The following CSMD1 variants were observed in gnomAD, a reference collection of about 807,000 sequenced individuals.
CSMD1 encodes CUB and Sushi multiple domains 1.
A neutral mutation model predicts 417.5 loss-of-function variants in CSMD1; 213 were observed. The ratio of observed to expected loss-of-function variants is 0.51; its 90% CI spans 0.46 to 0.57. The LOEUF (loss-of-function observed/expected upper bound fraction) is 0.57, where lower values mean the gene tolerates loss of function less well. CSMD1 is among the 20% of genes least tolerant of loss of function. CSMD1 has a pLI of 0.00. For missense variants in CSMD1, 6,923 were observed against 4,529.7 expected, an observed-to-expected ratio of 1.53 and a Z score of -15.17; for synonymous variants, 2,862 against 1,736.8, an observed-to-expected ratio of 1.65 and a Z score of -16.11.
At chr8:3,534,728 C>A (rs573251527) in intron 10 of CSMD1, among the ~76,000 whole-genome samples, 3 of 152,160 alleles carry the variant, frequency 2.0e-5, no homozygotes, top group African/African-American at 4.8e-5. Flanking sequence ...TAAGCAACAA[C>A]TGCATAAGCA....
At chr8:3,970,853 G>C (rs949506572) in intron 5 of CSMD1, among the ~76,000 whole-genome samples, 1 of 152,064 alleles carries the variant, frequency 6.6e-6, no homozygotes, top group Non-Finnish European at 1.5e-5. Flanking sequence ...CCGGGTTCAC[G>C]CCATTCTCCT....
intron 1 of CSMD1, among the ~76,000 whole-genome samples, chr8:4,959,257 A>C (rs544246170): frequency 6.6e-6 from 1 of 152,182 alleles, no homozygotes; most frequent in Admixed American, 6.5e-5. Context: ...TTCTGGGGTC[A>C]TATGTTTTGG....
intron 5 of CSMD1, among the ~76,000 whole-genome samples, chr8:3,993,541 G>A (rs983779381): frequency 6.6e-6 from 1 of 152,150 alleles, no homozygotes; most frequent in Non-Finnish European, 1.5e-5. Context: ...TAGTAAAATT[G>A]TGCTGGTTTA....
At chr8:3,915,597 T>C (rs1808763126) in intron 5 of CSMD1, among the ~76,000 whole-genome samples, 1 of 151,392 alleles carries the variant, frequency 6.6e-6, no homozygotes, top group Admixed American at 6.6e-5. Context: ...ATGGGATTAT[T>C]ACTGAAATAC....
At chr8:3,004,356 G>C (rs1002020735) in intron 52 of CSMD1, among the ~76,000 whole-genome samples, 7 of 152,162 alleles carry the variant, frequency 4.6e-5, no homozygotes, top group African/African-American at 1.7e-4. Flanking sequence ...ATGAAGCCTG[G>C]ATTTCTTGAG....
At chr8:3,506,083 T>A (rs1796813326) in intron 10 of CSMD1, among the ~76,000 whole-genome samples, 1 of 152,182 alleles carries the variant, frequency 6.6e-6, no homozygotes, top group South Asian at 2.1e-4. Context: ...GCCCTGGGGC[T>A]GTGTTCTCAT....
chr8:3,261,052 A>G (rs188800033), intron 26 of CSMD1, among the ~76,000 whole-genome samples: 27 of 152,364 alleles, frequency 1.8e-4, no homozygotes, highest in Admixed American at 1.7e-3. Flanking sequence ...CACAGGTGAG[A>G]ACTATAAAAC....
intron 3 of CSMD1, among the ~76,000 whole-genome samples, chr8:4,051,106 G>C (rs1406208366): frequency 6.6e-6 from 1 of 151,702 alleles, no homozygotes; most frequent in Non-Finnish European, 1.5e-5. Flanking sequence ...TTATTGAAAG[G>C]GAGAACCAGG....
At chr8:4,301,883 T>C (rs200575175) in intron 3 of CSMD1, among the ~76,000 whole-genome samples, 9 of 10,334 alleles carry the variant, frequency 8.7e-4, no homozygotes, top group African/African-American at 5.9e-3. Context: ...CATAAATTTG[T>C]TGTTCTCACT....
rs374936723 is a variant in CSMD1 at position 3,790,576 on chromosome 8, T to C, written c.819-36534A>G. On this transcript the variant is annotated intron_variant, in intron 5 of 69. Transcript: ENST00000635120. Reference sequence around the variant, plus strand: ...AGACAACTAGGAACAATCATAATTTTTTTTTATGTTTTTGGCATACACAAC... The same window carrying C: ...AGACAACTAGGAACAATCATAATTTCTTTTTATGTTTTTGGCATACACAAC... Among the ~76,000 whole-genome samples the C allele has an allele frequency of 8.5e-5, 13 of 152,340 alleles. No individual in the cohort carries two copies. The East Asian group carries it at 9.6e-4, about 11-fold the overall frequency.
chr8:4,294,179 G>T (rs79640264), intron 3 of CSMD1, among the ~76,000 whole-genome samples: 1 of 152,158 alleles, frequency 6.6e-6, no homozygotes, highest in African/African-American at 2.4e-5. Flanking sequence ...GCCATCAGCA[G>T]CAACTACACC....
chr8:3,180,515 G>C (rs1380454023), intron 37 of CSMD1, among the ~76,000 whole-genome samples: 3 of 152,078 alleles, frequency 2.0e-5, no homozygotes, highest in Non-Finnish European at 4.4e-5. Context: ...TATTACAAGT[G>C]GTTCATTTTT....
intron 50 of CSMD1, among the ~76,000 whole-genome samples, chr8:3,048,122 A>G (rs537084237): frequency 6.6e-6 from 1 of 152,354 alleles, no homozygotes; most frequent in East Asian, 1.9e-4. Context: ...ATTTTCAGGT[A>G]AAACAATTTC....
intron 37 of CSMD1, among the ~76,000 whole-genome samples, chr8:3,179,817 T>C (rs1001902544): frequency 1.3e-5 from 2 of 152,318 alleles, no homozygotes; most frequent in African/African-American, 4.8e-5. Context: ...ATAAGTAACA[T>C]CCACAGTATC....
At chr8:4,630,071 T>C (rs1802417913) in intron 2 of CSMD1, among the ~76,000 whole-genome samples, 2 of 152,162 alleles carry the variant, frequency 1.3e-5, no homozygotes, top group South Asian at 2.1e-4. Flanking sequence ...AAGTGAACCA[T>C]CCGTTTTTAG....
At chr8:3,583,005 A>T (rs1034680831) in intron 9 of CSMD1, among the ~76,000 whole-genome samples, 1 of 152,168 alleles carries the variant, frequency 6.6e-6, no homozygotes, top group Non-Finnish European at 1.5e-5. Flanking sequence ...TGGCCTTTAC[A>T]TAATCAGTTG....
chr8:4,242,126 A>T (rs201577700), intron 3 of CSMD1, among the ~76,000 whole-genome samples: 2 of 152,238 alleles, frequency 1.3e-5, no homozygotes, highest in African/African-American at 2.4e-5. Context: ...TCTAAGAATT[A>T]TATGTCTTTC....
intron 5 of CSMD1, among the ~76,000 whole-genome samples, chr8:3,800,226 A>G (rs1800382388): frequency 6.6e-6 from 1 of 152,190 alleles, no homozygotes; most frequent in Non-Finnish European, 1.5e-5. Context: ...CTTATTGATG[A>G]TGATACAGTC....
intron 3 of CSMD1, among the ~76,000 whole-genome samples, chr8:4,148,512 G>A (rs554764003): frequency 3.4e-4 from 50 of 146,898 alleles, no homozygotes; most frequent in Admixed American, 8.1e-4. Flanking sequence ...AAAACTTAAA[G>A]TATAATTAAA....
Sources: gnomAD v4.1 joint callset for allele counts (sites outside exome capture counted in the v4.1 genomes callset) on GRCh38, gnomAD v4.1.1 for gene constraint, MANE v1.5 for transcripts, NCBI Gene and HGNC (gene_info 2026-07-23, HGNC 2026-07-21) for gene names.